The following TMEM242 variants were observed in gnomAD, a reference collection of about 807,000 sequenced individuals.
TMEM242 encodes the protein UPF0463 transmembrane protein C6orf35.
Under a neutral mutation model 18.2 loss-of-function variants are expected in TMEM242, and 10 were observed. That is an observed-to-expected ratio of 0.55 (90% CI 0.34 to 0.93). The LOEUF (loss-of-function observed/expected upper bound fraction) is 0.93. Ranked by LOEUF, TMEM242 falls within the 40% of genes least tolerant of loss-of-function variation. The pLI is 0.02. For missense variants in TMEM242, 186 were observed against 175.5 expected, an observed-to-expected ratio of 1.06 and a Z score of -0.34; for synonymous variants, 57 against 69.9, an observed-to-expected ratio of 0.81 and a Z score of 0.92.
chr6:157,313,384 A>C (rs62425606), intron 3 of TMEM242, among the ~76,000 whole-genome samples: 51 of 16,738 alleles, frequency 3.0e-3, no homozygotes, highest in Admixed American at 4.1e-3. Flanking sequence ...GCCTCAGTGT[A>C]CGCTCACCGG....
intron 3 of TMEM242, among the ~76,000 whole-genome samples, chr6:157,297,528 C>T (rs2128412937): frequency 6.6e-6 from 1 of 152,344 alleles, no homozygotes; most frequent in South Asian, 2.1e-4. Context: ...AACCACCACT[C>T]TTCTCTTCCC....
At chr6:157,304,462 CAAAAAAAAAAA>C (rs782782714) in intron 3 of TMEM242, among the ~76,000 whole-genome samples, 24 of 67,232 alleles carry the variant, frequency 3.6e-4, no homozygotes, top group Admixed American at 9.8e-4. Flanking sequence ...GAGACTCTGT[CAAAAAAAAAAA>C]AAAAAAAAAA....
intron 3 of TMEM242, among the ~76,000 whole-genome samples, chr6:157,310,842 C>G (rs1554248472): frequency 3.6e-5 from 5 of 139,978 alleles, no homozygotes; most frequent in Admixed American, 2.2e-4. Flanking sequence ...ATCATAGTGT[C>G]CCAGTGTGCA....
intron 3 of TMEM242, among the ~76,000 whole-genome samples, chr6:157,310,070 T>C (rs1324209434): frequency 6.6e-6 from 1 of 152,234 alleles, no homozygotes; most frequent in African/African-American, 2.4e-5. Flanking sequence ...ATTTAGATAT[T>C]TAATGTTTCT....
intron 3 of TMEM242, among the ~76,000 whole-genome samples, chr6:157,313,964 C>T (rs1778319218): frequency 1.5e-5 from 2 of 134,200 alleles, no homozygotes; most frequent in African/African-American, 5.8e-5. Flanking sequence ...CCAGTGTCCG[C>T]TCACCTGGCC....
At chr6:157,318,656 A>T in intron 3 of TMEM242, 126 bp downstream of exon 3, 1 of 1,055,940 alleles carries the variant, frequency 9.5e-7, no homozygotes, top group Non-Finnish European at 1.4e-6. Flanking sequence ...TTAGTCACGT[A>T]CTCTGTCATC....
intron 3 of TMEM242, among the ~76,000 whole-genome samples, chr6:157,304,877 G>C (rs1777888674): frequency 6.6e-6 from 1 of 152,142 alleles, no homozygotes; most frequent in South Asian, 2.1e-4. Context: ...GGAGTTTCCT[G>C]GGCAAAGCTA....
intron 1 of TMEM242, among the ~76,000 whole-genome samples, chr6:157,323,172 A>G (rs1583578810): frequency 6.6e-6 from 1 of 152,184 alleles, no homozygotes; most frequent in East Asian, 1.9e-4. Context: ...GTGACGGGGA[A>G]ATATGGCACG....
intron 3 of TMEM242, among the ~76,000 whole-genome samples, chr6:157,300,358 T>C (rs1777813507): frequency 6.6e-6 from 1 of 152,276 alleles, no homozygotes; most frequent in African/African-American, 2.4e-5. Context: ...AAGTGATTTC[T>C]GGAGTTAGTT....
chr6:157,319,639 C>T lies in TMEM242; in HGVS notation c.190-720G>A, dbSNP rs1778461951. 2.0e-5 allele frequency among the ~76,000 whole-genome samples: 3 copies of T among 152,196 alleles called. No individual in the cohort carries two copies. The South Asian group carries it at 6.2e-4, about 32-fold the overall frequency. ...CACAGCTAAGAAAATGAGAACAGGA[C>T]ATTAAAAGGATAACTATCATCCCAA... On this transcript the variant is annotated intron_variant, in intron 2 of 3. Coordinates refer to ENST00000400788, the MANE Select transcript of TMEM242 (RefSeq NM_018452.6).
chr6:157,320,541 G>C (rs1554250649), intron 2 of TMEM242, among the ~76,000 whole-genome samples: 1 of 152,114 alleles, frequency 6.6e-6, no homozygotes, highest in Non-Finnish European at 1.5e-5. Context: ...CGTGATCTCA[G>C]CTCACTGCAA....
intron 3 of TMEM242, among the ~76,000 whole-genome samples, chr6:157,309,087 A>G (rs1447843931): frequency 1.3e-5 from 2 of 152,336 alleles, no homozygotes; most frequent in Middle Eastern, 3.4e-3. Context: ...GGAGATTGAT[A>G]TACTCTGCTG....
chr6:157,299,968 G>A, intron 3 of TMEM242: 2 of 1,521,186 alleles, frequency 1.3e-6, no homozygotes, highest in Non-Finnish European at 1.8e-6. Context: ...CGGGCTCCTC[G>A]GAAGTGAAGC....
chr6:157,302,739 G>A (rs1554247614), intron 3 of TMEM242, among the ~76,000 whole-genome samples: 1 of 152,222 alleles, frequency 6.6e-6, no homozygotes, highest in African/African-American at 2.4e-5. Context: ...CCTATCCTAG[G>A]TGGCTCATTA....
intron 3 of TMEM242, chr6:157,299,378 A>C: frequency 1.7e-6 from 2 of 1,182,314 alleles, no homozygotes; most frequent in Admixed American, 3.5e-5. Context: ...CAGATTCTTC[A>C]AAGCGACACC....
intron 3 of TMEM242, among the ~76,000 whole-genome samples, chr6:157,316,661 G>A (rs1329602301): frequency 2.0e-5 from 3 of 152,080 alleles, no homozygotes; most frequent in Non-Finnish European, 4.4e-5. Flanking sequence ...GATCGCTTGA[G>A]TCCAGGAGTT....
intron 3 of TMEM242, among the ~76,000 whole-genome samples, chr6:157,312,672 A>C (rs199759455): frequency 0.22 from 3,108 of 14,380 alleles, 36 homozygotes; most frequent in African/African-American, 0.25. Context: ...CCCAGGGTGC[A>C]CTCACCTAGC....
At chr6:157,294,050 G>A (rs587721630) in intron 3 of TMEM242, among the ~76,000 whole-genome samples, 3 of 152,226 alleles carry the variant, frequency 2.0e-5, no homozygotes, top group African/African-American at 4.8e-5. Flanking sequence ...GTGTCACACA[G>A]TATTACAGTT....
In TMEM242 at chr6:157,299,658, T is replaced by G. The variant is rs1777800403; in HGVS notation, c.328-6659A>C. ...TGGACAATACCGGAAATCATTAACT[T>G]GAAGATGGCCACATTTCGCTGGACT... On this transcript the variant is annotated intron_variant, in intron 3 of 3. Transcript: ENST00000400788. The G allele has an allele frequency of 4.3e-6, 7 of 1,610,150 alleles. No individual in the cohort carries two copies. In the African/African-American group the frequency reaches 9.3e-5, roughly 22 times the overall value.
Sources: allele counts gnomAD v4.1 joint callset (sites outside exome capture counted in the v4.1 genomes callset), GRCh38; gene constraint gnomAD v4.1.1; transcripts MANE v1.5; gene names NCBI Gene and HGNC (gene_info 2026-07-23, HGNC 2026-07-21).